ACCSL: variants seen among roughly 807,000 people sequenced by gnomAD.
ACCSL encodes probable inactive 1-aminocyclopropane-1-carboxylate synthase-like protein 2.
In ACCSL, 55 loss-of-function variants were observed where a neutral mutation model predicts 61.7. That is an observed-to-expected ratio of 0.89 (90% CI 0.72 to 1.12). The LOEUF is 1.12. ACCSL is among the 50% of genes most tolerant of loss of function. The pLI is 0.00. For synonymous variants in ACCSL, 258 were observed against 264.3 expected, an observed-to-expected ratio of 0.98 and a Z score of 0.23; for missense variants, 632 against 698.0, an observed-to-expected ratio of 0.91 and a Z score of 1.07.
At chr11:43,943,112 G>A in the ACCSL span, 6 of 1,499,642 alleles carry the variant, frequency 4.0e-6, no homozygotes, top group Admixed American at 6.9e-5. This position sits in a 1 kb window ranked among gnomAD's most constrained non-coding sequence, Gnocchi z 4.8. Flanking sequence ...GGAGGAGGAG[G>A]GGGTGTCCCC....
the ACCSL span, among the ~76,000 whole-genome samples, chr11:43,973,447 TATCTATC>T: frequency 6.6e-6 from 1 of 151,628 alleles, no homozygotes; most frequent in African/African-American, 2.4e-5. Flanking sequence ...TCTATCTATC[TATCTATC>T]TATCTATCTC....
At chr11:44,033,448 C>T in the ACCSL span, among the ~76,000 whole-genome samples, 1 of 152,080 alleles carries the variant, frequency 6.6e-6, no homozygotes, top group South Asian at 2.1e-4. Context: ...GAATTCAGTG[C>T]CTGCCAAAGC....
the ACCSL span, among the ~76,000 whole-genome samples, chr11:43,997,203 C>T: frequency 0.2 from 30,958 of 151,812 alleles, 5,475 homozygotes; most frequent in African/African-American, 0.47. Flanking sequence ...AAATTAGAAT[C>T]TCGGAGGCGT....
the ACCSL span, among the ~76,000 whole-genome samples, chr11:44,026,525 TG>T: frequency 6.6e-6 from 1 of 152,240 alleles, no homozygotes; most frequent in African/African-American, 2.4e-5. Flanking sequence ...ATCCAACATC[TG>T]GGCATTCTGA....
chr11:44,014,007 A>C, the ACCSL span, among the ~76,000 whole-genome samples: 2 of 152,302 alleles, frequency 1.3e-5, no homozygotes, highest in African/African-American at 4.8e-5. Flanking sequence ...TGCTGAGGAA[A>C]CTGAGGCCCA....
the ACCSL span, among the ~76,000 whole-genome samples, chr11:43,989,581 G>C: frequency 2.0e-5 from 3 of 152,108 alleles, no homozygotes; most frequent in African/African-American, 4.8e-5. Flanking sequence ...TCCCTTCCTC[G>C]TGGTCTGGAC....
At chr11:43,961,692 A>G in the ACCSL span, among the ~76,000 whole-genome samples, 1 of 135,178 alleles carries the variant, frequency 7.4e-6, no homozygotes, top group African/African-American at 2.6e-5. Context: ...CTTTGGTCAT[A>G]TTGTTTTGTT....
At chr11:44,016,059 T>C in the ACCSL span, among the ~76,000 whole-genome samples, 3 of 152,210 alleles carry the variant, frequency 2.0e-5, no homozygotes, top group African/African-American at 7.2e-5. Flanking sequence ...TTTTTTCTCC[T>C]ATGTGGCCCT....
At chr11:43,941,405 A>T in the ACCSL span, among the ~76,000 whole-genome samples, 1 of 152,238 alleles carries the variant, frequency 6.6e-6, no homozygotes, top group East Asian at 1.9e-4. Flanking sequence ...CTTCTCAGTA[A>T]ATCTGTGTTG....
the ACCSL span, among the ~76,000 whole-genome samples, chr11:43,979,632 A>G: frequency 6.6e-6 from 1 of 152,158 alleles, no homozygotes; most frequent in African/African-American, 2.4e-5. Context: ...TACCTCTTTA[A>G]AATTCACATG....
At chr11:44,038,405 C>T in the ACCSL span, among the ~76,000 whole-genome samples, 1 of 152,084 alleles carries the variant, frequency 6.6e-6, no homozygotes, top group Non-Finnish European at 1.5e-5. Context: ...CCTTTATCTG[C>T]CTGAGGAGTT....
At chr11:44,026,727 T>A in the ACCSL span, among the ~76,000 whole-genome samples, 1 of 152,118 alleles carries the variant, frequency 6.6e-6, no homozygotes, top group African/African-American at 2.4e-5. Flanking sequence ...GTGACTTATC[T>A]AGACTAATTT....
the ACCSL span, among the ~76,000 whole-genome samples, chr11:44,030,972 A>G: frequency 6.6e-6 from 1 of 152,192 alleles, no homozygotes; most frequent in South Asian, 2.1e-4. Context: ...AACATGCCCA[A>G]GGCCTCCCAG....
In ACCSL at chr11:44,049,145, C is replaced by T. The variant is rs116857018; in HGVS notation, c.504+605C>T. On this transcript the variant is annotated intron_variant, in intron 1 of 13. Transcript: ENST00000378832. ...TAAGATGTTACCCTAAGAGGCTGGGCGTGGTGGCTCATGCCTGTAATCCCA... is the reference window on the plus strand; with the variant it reads ...TAAGATGTTACCCTAAGAGGCTGGGTGTGGTGGCTCATGCCTGTAATCCCA... 3.6e-3 allele frequency among the ~76,000 whole-genome samples: 543 copies of T among 152,158 alleles called. 1 individual carries two copies. The highest frequency in any genetic ancestry group is 3.5e-3 in the Non-Finnish European group (241 of 68,002).
the ACCSL span, among the ~76,000 whole-genome samples, chr11:44,007,186 G>T: frequency 2.4e-4 from 37 of 152,208 alleles, no homozygotes; most frequent in Non-Finnish European, 4.6e-4. Flanking sequence ...GCCTGCTCTG[G>T]TTTTTGCCAG....
chr11:44,017,010 T>C, the ACCSL span, among the ~76,000 whole-genome samples: 1 of 152,216 alleles, frequency 6.6e-6, no homozygotes, highest in East Asian at 1.9e-4. Flanking sequence ...CAAGTATTTA[T>C]AGAGCCCTGT....
At chr11:43,992,180 T>C in the ACCSL span, among the ~76,000 whole-genome samples, 2 of 151,482 alleles carry the variant, frequency 1.3e-5, no homozygotes, top group East Asian at 3.9e-4. Context: ...GCCTCCTGAG[T>C]AGTTGGAACT....
At chr11:43,933,295 A>G in the ACCSL span, 3 of 394,742 alleles carry the variant, frequency 7.6e-6, no homozygotes, top group Non-Finnish European at 1.5e-5. Flanking sequence ...CCCTGTCCAC[A>G]TATGAGGGAG....
the ACCSL span, among the ~76,000 whole-genome samples, chr11:43,999,746 G>A: frequency 1.3e-5 from 2 of 152,094 alleles, no homozygotes; most frequent in African/African-American, 4.8e-5. Flanking sequence ...GGAGGCCAAG[G>A]TAAGGTTGGC....
Sources: allele counts gnomAD v4.1 joint callset (sites outside exome capture counted in the v4.1 genomes callset), GRCh38; gene constraint gnomAD v4.1.1; non-coding constraint Gnocchi (gnomAD v3.1); transcripts MANE v1.5; gene names NCBI Gene and HGNC (gene_info 2026-07-23, HGNC 2026-07-21).